The following CDKAL1 variants were observed in gnomAD, a reference collection of about 807,000 sequenced individuals.
The protein encoded by CDKAL1 is CDKAL1 threonylcarbamoyladenosine tRNA methylthiotransferase.
Under a neutral mutation model 68.2 loss-of-function variants are expected in CDKAL1, and 32 were observed. That is an observed-to-expected ratio of 0.47 (90% CI 0.35 to 0.63). CDKAL1 has a LOEUF of 0.63. Among genes scored for constraint, CDKAL1 ranks in the 30% least tolerant of loss-of-function variants. The pLI, the probability that CDKAL1 is intolerant of heterozygous loss-of-function variation, is 0.00. For synonymous variants in CDKAL1, 234 were observed against 244.3 expected (o/e 0.96, Z 0.39); for missense variants, 606 against 696.7 (o/e 0.87, Z 1.47).
chr6:20,613,554 T>C (rs1013561001), intron 4 of CDKAL1, among the ~76,000 whole-genome samples: 2 of 151,106 alleles, frequency 1.3e-5, no homozygotes, highest in Admixed American at 6.6e-5. Context: ...AGATTACATG[T>C]GTGAGCCACC....
At chr6:20,801,890 C>T (rs1469552525) in intron 8 of CDKAL1, among the ~76,000 whole-genome samples, 1 of 152,142 alleles carries the variant, frequency 6.6e-6, no homozygotes, top group Non-Finnish European at 1.5e-5. Flanking sequence ...GTGTAACATC[C>T]TTCTTAAATG....
intron 8 of CDKAL1, among the ~76,000 whole-genome samples, chr6:20,809,061 C>T (rs111965574): frequency 4.9e-4 from 74 of 152,176 alleles, no homozygotes; most frequent in African/African-American, 1.6e-3. Flanking sequence ...TTGCAGAAAC[C>T]ACAGTGTTTT....
At chr6:20,596,016 A>G (rs1342589024) in intron 4 of CDKAL1, among the ~76,000 whole-genome samples, 1 of 152,174 alleles carries the variant, frequency 6.6e-6, no homozygotes, top group African/African-American at 2.4e-5. Context: ...GCCGAACAGC[A>G]AAGATTGCTG....
At chr6:20,848,618 T>G (rs1048418151) in intron 9 of CDKAL1, among the ~76,000 whole-genome samples, 3 of 152,162 alleles carry the variant, frequency 2.0e-5, no homozygotes, top group Non-Finnish European at 4.4e-5. Context: ...CTTATTAACA[T>G]CAGTAAGATC....
At chr6:21,178,140 G>A (rs2151083259) in intron 13 of CDKAL1, among the ~76,000 whole-genome samples, 1 of 152,168 alleles carries the variant, frequency 6.6e-6, no homozygotes, top group African/African-American at 2.4e-5. Context: ...AGGCACAGGA[G>A]AAGATGAGAG....
chr6:20,827,427 A>AT (rs1777544747), intron 8 of CDKAL1, among the ~76,000 whole-genome samples: 1 of 152,212 alleles, frequency 6.6e-6, no homozygotes, highest in East Asian at 1.9e-4. Context: ...TTGTGTTACA[A>AT]TTTTTTTAAC....
At chr6:21,013,566 AC>A (rs1404939442) in intron 11 of CDKAL1, among the ~76,000 whole-genome samples, 4 of 152,210 alleles carry the variant, frequency 2.6e-5, no homozygotes, top group Admixed American at 6.5e-5. Flanking sequence ...GTTCCTTGTT[AC>A]TAAGAGCAGT....
At chr6:20,781,319 G>GT (rs898429100) in intron 8 of CDKAL1, 54 bp downstream of exon 8, 4,827 of 1,445,296 alleles carry the variant, frequency 3.3e-3, no homozygotes, top group South Asian at 4.2e-3. Flanking sequence ...CATGAATTCA[G>GT]TTTTTTTTTC....
intron 13 of CDKAL1, among the ~76,000 whole-genome samples, chr6:21,117,164 T>C (rs1208828467): frequency 6.6e-6 from 1 of 152,142 alleles, no homozygotes; most frequent in Non-Finnish European, 1.5e-5. Context: ...CAACCTTTCT[T>C]ATCCCCATCC....
At chr6:20,552,427 C>G (rs985610943) in intron 4 of CDKAL1, among the ~76,000 whole-genome samples, 1 of 151,532 alleles carries the variant, frequency 6.6e-6, no homozygotes, top group Non-Finnish European at 1.5e-5. Flanking sequence ...TATTAAATAT[C>G]TAATACATTT....
At chr6:21,222,580 C>T (rs1389713862) in intron 15 of CDKAL1, among the ~76,000 whole-genome samples, 1 of 152,126 alleles carries the variant, frequency 6.6e-6, no homozygotes, top group Non-Finnish European at 1.5e-5. Flanking sequence ...GGTACAGCTA[C>T]TTATATGATA....
At chr6:21,043,095 C>T (rs771341621) in intron 11 of CDKAL1, among the ~76,000 whole-genome samples, 6 of 152,304 alleles carry the variant, frequency 3.9e-5, no homozygotes, top group Non-Finnish European at 8.8e-5. Flanking sequence ...ACCACAACTA[C>T]CAGTTCTACT....
At chr6:21,117,404 A>G (rs909347507) in intron 13 of CDKAL1, among the ~76,000 whole-genome samples, 6 of 151,720 alleles carry the variant, frequency 4.0e-5, no homozygotes, top group African/African-American at 9.7e-5. Flanking sequence ...TTGAGAGGTC[A>G]GGGTGGGCGG....
In CDKAL1 at chr6:21,231,186, T is replaced by C; in HGVS notation, c.*147T>C. ...TCTCAGCCACTCTTCTTAATGAGGC[T>C]CCCCCTGTCTCACATTGAGTTGGGC... On this transcript the variant is annotated 3_prime_UTR_variant, in exon 16 of 16. Coordinates refer to ENST00000274695, the MANE Select transcript of CDKAL1 (RefSeq NM_017774.3). 1.8e-6 allele frequency: 1 copy of C among 541,116 alleles called. No individual in the cohort carries two copies. 33.5% of individuals were successfully genotyped at this position (541,116 alleles called of 1,614,324 possible). A position where few individuals can be genotyped will look rare whatever the true frequency, so the allele number is the denominator to read the frequency against.
At chr6:21,105,695 G>A (rs753871295) in intron 12 of CDKAL1, among the ~76,000 whole-genome samples, 6 of 152,154 alleles carry the variant, frequency 3.9e-5, no homozygotes, top group African/African-American at 7.2e-5. Context: ...CGGGATACCA[G>A]TCAAGGATTC....
At chr6:20,722,932 C>A (rs1772454906) in intron 5 of CDKAL1, among the ~76,000 whole-genome samples, 1 of 152,138 alleles carries the variant, frequency 6.6e-6, no homozygotes, top group Admixed American at 6.5e-5. Context: ...ATCCCCTCTC[C>A]ACCTCCACTT....
intron 11 of CDKAL1, among the ~76,000 whole-genome samples, chr6:21,039,782 G>A (rs994653989): frequency 4.6e-5 from 7 of 151,958 alleles, no homozygotes; most frequent in Non-Finnish European, 8.8e-5. Flanking sequence ...GAAACATGGG[G>A]GACTGAGCCA....
intron 8 of CDKAL1, among the ~76,000 whole-genome samples, chr6:20,805,190 C>G (rs1776518206): frequency 6.6e-6 from 1 of 152,146 alleles, no homozygotes; most frequent in Non-Finnish European, 1.5e-5. Flanking sequence ...TGCACAGATT[C>G]CTCCAGATTT....
At chr6:21,140,444 G>C (rs1181746064) in intron 13 of CDKAL1, among the ~76,000 whole-genome samples, 1 of 152,140 alleles carries the variant, frequency 6.6e-6, no homozygotes, top group East Asian at 1.9e-4. Context: ...CCTGCCTTGG[G>C]CATCCCTTTA....
Sources: gnomAD v4.1 joint callset for allele counts (sites outside exome capture counted in the v4.1 genomes callset) on GRCh38, gnomAD v4.1.1 for gene constraint, MANE v1.5 for transcripts, NCBI Gene and HGNC (gene_info 2026-07-23, HGNC 2026-07-21) for gene names.